Variants in NUP98 observed in about 807,000 individuals in gnomAD.
The protein encoded by NUP98 is nuclear pore complex protein Nup98-Nup96.
Under a neutral mutation model 191.9 loss-of-function variants are expected in NUP98, and 26 were observed. The observed-to-expected ratio is 0.14, with a 90% CI of 0.10 to 0.19. NUP98 has a LOEUF of 0.19. Ranked by LOEUF, NUP98 falls within the 10% of genes least tolerant of loss-of-function variation. The pLI is 1.00. For missense variants in NUP98, 1,941 were observed against 2,178.8 expected (o/e 0.89, Z 2.17); for synonymous variants, 808 against 778.4 (o/e 1.04, Z -0.63).
chr11:3,718,928 T>C (rs1185119937), intron 18 of NUP98, among the ~76,000 whole-genome samples: 1 of 152,030 alleles, frequency 6.6e-6, no homozygotes, highest in African/African-American at 2.4e-5. Flanking sequence ...AAGACCAGCC[T>C]GGCCAACATG....
chr11:3,727,658 T>A (rs1238865931), intron 14 of NUP98, among the ~76,000 whole-genome samples: 2 of 151,888 alleles, frequency 1.3e-5, no homozygotes, highest in African/African-American at 4.8e-5. Context: ...GCCCAGGAGT[T>A]CAAGACAAGC....
chr11:3,747,535 A>T (rs1284036896), intron 11 of NUP98, among the ~76,000 whole-genome samples: 1 of 152,232 alleles, frequency 6.6e-6, no homozygotes, highest in East Asian at 1.9e-4. Context: ...AATGTTTCTT[A>T]GTCTCAACAC....
chr11:3,739,737 G>C (rs1389773659), intron 12 of NUP98, among the ~76,000 whole-genome samples: 1 of 152,062 alleles, frequency 6.6e-6, no homozygotes, highest in Non-Finnish European at 1.5e-5. Flanking sequence ...AAATTTCTAG[G>C]GGAAAGATGT....
chr11:3,775,273 T>C (rs2081673636), intron 5 of NUP98, among the ~76,000 whole-genome samples: 1 of 152,140 alleles, frequency 6.6e-6, no homozygotes, highest in South Asian at 2.1e-4. Context: ...CTCATGCCTG[T>C]AATCCCAACA....
chr11:3,782,176 A>G, intron 1 of NUP98, 31 bp from the exon 2 acceptor site: 1 of 1,163,654 alleles, frequency 8.6e-7, no homozygotes. Context: ...TCACTCTCTT[A>G]AAGACCACAA....
At chr11:3,679,116 C>G (rs2077908664) in intron 31 of NUP98, among the ~76,000 whole-genome samples, 1 of 106,996 alleles carries the variant, frequency 9.3e-6, no homozygotes, top group Non-Finnish European at 1.9e-5. Flanking sequence ...GAGCAAGACT[C>G]TGTTCCAAAA....
intron 12 of NUP98, among the ~76,000 whole-genome samples, chr11:3,739,791 G>C (rs2080211683): frequency 1.3e-5 from 2 of 152,142 alleles, no homozygotes; most frequent in African/African-American, 4.8e-5. Flanking sequence ...CTATAGCTTA[G>C]AGTACACTCA....
chr11:3,696,290 TCAG>T (rs1166507733), intron 25 of NUP98, among the ~76,000 whole-genome samples: 1 of 152,046 alleles, frequency 6.6e-6, no homozygotes, highest in African/African-American at 2.4e-5. Context: ...TCACTTGGGG[TCAG>T]GAGTTCGAGA....
At chr11:3,707,582 C>G (rs71478542) in intron 20 of NUP98, among the ~76,000 whole-genome samples, 1 of 150,224 alleles carries the variant, frequency 6.7e-6, no homozygotes, top group African/African-American at 2.5e-5. Context: ...GAAACTGTCT[C>G]TACTAAAAAT....
chr11:3,721,823 T>C (rs2079414393), intron 16 of NUP98, among the ~76,000 whole-genome samples: 1 of 152,122 alleles, frequency 6.6e-6, no homozygotes, highest in African/African-American at 2.4e-5. Context: ...AACGCTGGTG[T>C]GCTTGCTTGC....
At chr11:3,779,078 T>A in intron 3 of NUP98, 29 bp from the exon 4 acceptor site, 1 of 1,613,964 alleles carries the variant, frequency 6.2e-7, no homozygotes, top group Non-Finnish European at 8.5e-7. Context: ...AGGGAAAAAG[T>A]TAAGTACATC....
rs201689904 is a variant in NUP98 at position 3,775,550 on chromosome 11, A to ACC, written c.495+331_495+332insGG. ...AAACTCCATCTTAAAAAAACAAAATAACAAAAAAAAAAAAGAAAATTGAAC... is the reference window on the plus strand; with the variant it reads ...AAACTCCATCTTAAAAAAACAAAATACCACAAAAAAAAAAAAGAAAATTGAAC... On this transcript the variant is annotated intron_variant, in intron 5 of 32. Coordinates refer to ENST00000324932, the MANE Select transcript of NUP98 (RefSeq NM_016320.5). Among the ~76,000 whole-genome samples the ACC allele has an allele frequency of 9.4e-3, 1,419 of 150,624 alleles. 19 individuals are homozygous for ACC. Among genetic ancestry groups the ACC allele is most frequent in the African/African-American group, 0.034 (1,363 of 40,302 alleles).
chr11:3,739,452 T>C (rs1358331350), intron 12 of NUP98, among the ~76,000 whole-genome samples: 1 of 152,138 alleles, frequency 6.6e-6, no homozygotes, highest in Non-Finnish European at 1.5e-5. Context: ...TTTCACCATG[T>C]TGGCCAGGAT....
At chr11:3,722,172 G>T (rs559365400) in intron 16 of NUP98, among the ~76,000 whole-genome samples, 19 of 146,072 alleles carry the variant, frequency 1.3e-4, no homozygotes, top group African/African-American at 4.9e-4. Context: ...GGAGTTCAGT[G>T]GCATAATCAT....
intron 18 of NUP98, 87 bp from the exon 19 acceptor site, chr11:3,714,082 G>A: frequency 2.4e-6 from 3 of 1,253,868 alleles, no homozygotes; most frequent in Non-Finnish European, 3.4e-6. Flanking sequence ...CATAAATAGT[G>A]AATAATGGTA....
chr11:3,684,609 T>C (rs2078081046), intron 29 of NUP98, among the ~76,000 whole-genome samples: 2 of 152,122 alleles, frequency 1.3e-5, no homozygotes, highest in African/African-American at 4.8e-5. Context: ...CCTGGGGTCA[T>C]TTCATTCCCT....
intron 6 of NUP98, 115 bp from the exon 7 acceptor site, chr11:3,772,043 T>A: frequency 1.2e-6 from 1 of 822,242 alleles, no homozygotes; most frequent in Non-Finnish European, 1.9e-6. Context: ...GAACCATAAC[T>A]AAAAAAGAGA....
chr11:3,780,203 TAA>T (rs924110958), intron 2 of NUP98, among the ~76,000 whole-genome samples: 18 of 151,722 alleles, frequency 1.2e-4, no homozygotes, highest in Admixed American at 9.9e-4. Context: ...TAGAATTCTT[TAA>T]AAAGGAGATC....
intron 2 of NUP98, among the ~76,000 whole-genome samples, 168 bp downstream of exon 2, chr11:3,781,874 T>C (rs1239919422): frequency 6.6e-6 from 1 of 152,218 alleles, no homozygotes; most frequent in Non-Finnish European, 1.5e-5. Context: ...TTATTTCTAC[T>C]TTCTTAAAAA....
Sources: allele counts gnomAD v4.1 joint callset (sites outside exome capture counted in the v4.1 genomes callset), GRCh38; gene constraint gnomAD v4.1.1; transcripts MANE v1.5; gene names NCBI Gene and HGNC (gene_info 2026-07-23, HGNC 2026-07-21).